The following NEDD9 variants were observed in gnomAD, a reference collection of about 807,000 sequenced individuals.
NEDD9 encodes the protein enhancer of filamentation 1.
Under a neutral mutation model 76.6 loss-of-function variants are expected in NEDD9, and 26 were observed. That is an observed-to-expected ratio of 0.34 (90% CI 0.25 to 0.47). The LOEUF is 0.47. Ranked by LOEUF, NEDD9 falls within the 20% of genes least tolerant of loss-of-function variation. The probability of loss-of-function intolerance (pLI) is 1.00; values close to 1 mark genes in which losing one functional copy is unlikely to be tolerated. For missense variants in NEDD9, 937 were observed against 1,058.5 expected, an observed-to-expected ratio of 0.89 and a Z score of 1.59; for synonymous variants, 392 against 414.2, an observed-to-expected ratio of 0.95 and a Z score of 0.65.
intron 3 of NEDD9, among the ~76,000 whole-genome samples, chr6:11,275,318 C>A (rs11965645): frequency 0.069 from 10,497 of 152,040 alleles, 378 homozygotes; most frequent in Middle Eastern, 0.14. Flanking sequence ...GGAGTAAGTT[C>A]AGAGAATCTA....
chr6:11,365,890 C>T (rs895811857), intron 1 of NEDD9, among the ~76,000 whole-genome samples: 24 of 152,222 alleles, frequency 1.6e-4, no homozygotes, highest in African/African-American at 5.5e-4. Context: ...ACTCGGGGGG[C>T]TGAGGCTGGA....
At position 11,237,799 on chromosome 6, in the gene NEDD9, C is replaced by T. The variant is rs1759635675; in HGVS notation, c.13-24072G>A. Reference sequence around the variant, plus strand: ...TGCCGACCCACACTCTAGATTAGTGCAAGGTACATCTATGCCTGAGTTCAG... The same window carrying T: ...TGCCGACCCACACTCTAGATTAGTGTAAGGTACATCTATGCCTGAGTTCAG... On this transcript the variant is annotated intron_variant, in intron 3 of 3. Transcript: ENST00000397378. The surrounding 1 kb of genome is among the most constrained non-coding windows in gnomAD (Gnocchi z 4.9). Among the ~76,000 whole-genome samples, 1 of 152,106 alleles carries T rather than the reference C, an allele frequency of 6.6e-6. No individual in the cohort carries two copies. The highest frequency in any genetic ancestry group is 6.5e-5 in the Admixed American group (1 of 15,274).
At chr6:11,350,212 G>A (rs16871280) in intron 1 of NEDD9, among the ~76,000 whole-genome samples, 1,978 of 152,268 alleles carry the variant, frequency 0.013, 45 homozygotes, top group African/African-American at 0.045. Context: ...CAGTCCTAAG[G>A]AGGAAATTAT....
At position 11,190,840 on chromosome 6, in the gene NEDD9, A is replaced by G; in HGVS notation, c.1029T>C (p.Gly343=). The G allele has an allele frequency of 6.2e-7, 1 of 1,613,976 alleles. No homozygotes were observed. Among genetic ancestry groups the G allele is most frequent in the Non-Finnish European group, 8.5e-7 (1 of 1,179,996 alleles). Residue 343 remains glycine (G), a synonymous_variant, in exon 5 of 7, where the codon GGT becomes GGC. Coordinates refer to ENST00000379446, the MANE Select transcript of NEDD9 (RefSeq NM_006403.4). This position sits in a 1 kb window ranked among gnomAD's most constrained non-coding sequence, Gnocchi z 5.8. ...SEKANPQERD[G]VYDVPLHNPP... Reference sequence around the variant, plus strand: ...GGTTATGCAGAGGGACATCATAAACACCATCCCTTTCCTGGGGGTTTGCTT... The same window carrying G: ...GGTTATGCAGAGGGACATCATAAACGCCATCCCTTTCCTGGGGGTTTGCTT...
intron 2 of NEDD9, among the ~76,000 whole-genome samples, chr6:11,206,712 T>C (rs1233548406): frequency 6.6e-6 from 1 of 152,244 alleles, no homozygotes; most frequent in African/African-American, 2.4e-5. Context: ...TTTGAAGGCT[T>C]TGGCACTGGC....
chr6:11,268,317 C>A (rs1581990810), intron 3 of NEDD9, among the ~76,000 whole-genome samples: 1 of 152,146 alleles, frequency 6.6e-6, no homozygotes, highest in South Asian at 2.1e-4. Flanking sequence ...AGGCGGGAGC[C>A]ACCACTCCTG....
At chr6:11,377,373 C>T (rs1046583028) in intron 1 of NEDD9, among the ~76,000 whole-genome samples, 1 of 152,248 alleles carries the variant, frequency 6.6e-6, no homozygotes, top group Non-Finnish European at 1.5e-5. Flanking sequence ...TCCTGCAAAG[C>T]CACAGGGCCA....
At position 11,242,946 on chromosome 6, in the gene NEDD9, C is replaced by T. The variant is rs140599291; in HGVS notation, c.13-29219G>A. 3.9e-3 allele frequency among the ~76,000 whole-genome samples: 582 copies of T among 148,632 alleles called. 7 individuals are homozygous for T. Among genetic ancestry groups the T allele is most frequent in the African/African-American group, 0.014 (559 of 39,452 alleles). On this transcript the variant is annotated intron_variant, in intron 3 of 3. Transcript: ENST00000397378. ...TTCAGCAATTGAATCTACAAAGAGT[C>T]ATGCCAAGTGGGTAAAAGAATACAT...
chr6:11,185,754 C>T (rs890683000), intron 6 of NEDD9, 83 bp from the exon 7 acceptor site: 4 of 1,528,660 alleles, frequency 2.6e-6, no homozygotes, highest in Non-Finnish European at 3.5e-6. Context: ...AGTTAAAAGA[C>T]AGGGATTTTA....
At chr6:11,243,961 C>A (rs1759760341) in intron 3 of NEDD9, among the ~76,000 whole-genome samples, 2 of 152,190 alleles carry the variant, frequency 1.3e-5, no homozygotes, top group African/African-American at 2.4e-5. Flanking sequence ...TTTGATCAAA[C>A]ACTAGTCTAG....
intron 1 of NEDD9, among the ~76,000 whole-genome samples, chr6:11,222,175 G>A (rs1759162445): frequency 6.6e-6 from 1 of 152,158 alleles, no homozygotes; most frequent in Non-Finnish European, 1.5e-5. Flanking sequence ...AAGCTATGCA[G>A]CCCAAGGTTA....
At chr6:11,333,833 T>C (rs2113508383) in intron 2 of NEDD9, among the ~76,000 whole-genome samples, 2 of 152,368 alleles carry the variant, frequency 1.3e-5, no homozygotes, top group Admixed American at 1.3e-4. Context: ...CTGCATGCCC[T>C]GAACAGTGCT....
rs370439158 is a variant in NEDD9 at position 11,350,161 on chromosome 6, A to G, written c.-213-15600T>C. On this transcript the variant is annotated intron_variant, in intron 1 of 3. Coordinates refer to the NEDD9 transcript ENST00000397378. ...GGGTTATACCATTTACATGGCATAT[A>G]AAAAAGGTACATATATATCTCCAAT... is the stretch of plus-strand genomic sequence containing the variant. Among the ~76,000 whole-genome samples, 4 of 148,328 alleles carry G rather than the reference A, an allele frequency of 2.7e-5. No homozygotes were observed. The East Asian group carries it at 7.7e-4, about 29-fold the overall frequency.
intron 2 of NEDD9, among the ~76,000 whole-genome samples, chr6:11,197,761 T>A (rs1758326397): frequency 6.6e-6 from 1 of 152,170 alleles, no homozygotes; most frequent in South Asian, 2.1e-4. Context: ...TGATCCACAC[T>A]GTTTTGAGTC....
At chr6:11,361,692 T>C (rs1762682399) in intron 1 of NEDD9, among the ~76,000 whole-genome samples, 2 of 152,168 alleles carry the variant, frequency 1.3e-5, no homozygotes, top group African/African-American at 4.8e-5. Flanking sequence ...GAAATGCTTA[T>C]AGCTGATGAG....
chr6:11,244,300 T>C (rs1009091801), intron 3 of NEDD9, among the ~76,000 whole-genome samples: 2 of 151,998 alleles, frequency 1.3e-5, no homozygotes, highest in African/African-American at 4.8e-5. Context: ...CACACACACA[T>C]AGATACACAC....
Position 11,242,589 on chromosome 6 carries a change from C to CCA in NEDD9, c.13-28863_13-28862insTG, listed in dbSNP as rs1759729798. 2.1e-5 allele frequency among the ~76,000 whole-genome samples: 3 copies of CCA among 143,724 alleles called. No homozygotes were observed. In the East Asian group the frequency reaches 5.9e-4, roughly 28 times the overall value. The allele number at this position is 143,724 out of a possible 152,430, so 94.3% of individuals were successfully genotyped here. A position where few individuals can be genotyped will look rare whatever the true frequency, so the allele number is the denominator to read the frequency against. ...CACCTGTGCAGTTCTGGTCACCAGG[C>CCA]AAAAAAAAAAAACTGTCTTTCCTTT... On this transcript the variant is annotated intron_variant, in intron 3 of 3. Coordinates refer to the NEDD9 transcript ENST00000397378.
At chr6:11,373,293 T>C (rs1376130362) in intron 1 of NEDD9, among the ~76,000 whole-genome samples, 6 of 152,246 alleles carry the variant, frequency 3.9e-5, no homozygotes, top group African/African-American at 1.2e-4. Flanking sequence ...GAAAGCTACA[T>C]AATGAATAAC....
intron 3 of NEDD9, 122 bp from the exon 4 acceptor site, chr6:11,192,568 G>A (rs759807211): frequency 4.7e-6 from 3 of 642,978 alleles, no homozygotes; most frequent in Non-Finnish European, 7.9e-6. Flanking sequence ...ATCTTTGGCA[G>A]TGCTCCATGT....
Sources: allele counts gnomAD v4.1 joint callset (sites outside exome capture counted in the v4.1 genomes callset), GRCh38; gene constraint gnomAD v4.1.1; non-coding constraint Gnocchi (gnomAD v3.1); transcripts MANE v1.5; gene names NCBI Gene and HGNC (gene_info 2026-07-23, HGNC 2026-07-21).